RGS6: variants seen among roughly 807,000 people sequenced by gnomAD.
RGS6 encodes regulator of G protein signaling 6, also known as regulator of G-protein signaling 6.
In RGS6, 30 loss-of-function variants were observed where a neutral mutation model predicts 78.5. That is an observed-to-expected ratio of 0.38 (90% confidence interval 0.29 to 0.52). The LOEUF (loss-of-function observed/expected upper bound fraction) is 0.52, where lower values mean the gene tolerates loss of function less well. Among genes scored for constraint, RGS6 ranks in the 20% least tolerant of loss-of-function variants. The pLI is 0.85. For missense variants in RGS6, 495 were observed against 609.7 expected (o/e 0.81, Z 1.98); for synonymous variants, 206 against 206.0 (o/e 1.00, Z 0.00).
At chr14:71,930,566 T>G (rs1284747501), upstream of RGS6, among the ~76,000 whole-genome samples, 1 of 152,188 alleles carries the variant, frequency 6.6e-6, no homozygotes, top group Non-Finnish European at 1.5e-5. Context: ...TTCACATATT[T>G]TTTTTTAAAG....
intron 3 of RGS6, among the ~76,000 whole-genome samples, chr14:72,364,983 C>T (rs2082190921): frequency 6.6e-6 from 1 of 152,098 alleles, no homozygotes; most frequent in African/African-American, 2.4e-5. Flanking sequence ...CTGCAAGGCC[C>T]GTCTCTACAC....
chr14:72,235,154 TG>T (rs1403378887), intron 2 of RGS6, among the ~76,000 whole-genome samples: 1 of 152,200 alleles, frequency 6.6e-6, no homozygotes, highest in Non-Finnish European at 1.5e-5. Context: ...GAACGGTAAG[TG>T]GCCTGAGGTA....
At chr14:72,496,762 A>G (rs2153417895) in intron 13 of RGS6, among the ~76,000 whole-genome samples, 1 of 152,296 alleles carries the variant, frequency 6.6e-6, no homozygotes, top group South Asian at 2.1e-4. Flanking sequence ...GGAACATCTG[A>G]TTTAGTGTCT....
chr14:72,075,504 CT>C (rs753350915), intron 2 of RGS6, among the ~76,000 whole-genome samples: 2 of 152,042 alleles, frequency 1.3e-5, no homozygotes, highest in Non-Finnish European at 2.9e-5. Flanking sequence ...TCTAGTCTGT[CT>C]TTTCTTTCCC....
At chr14:72,463,213 G>T (rs983743549) in intron 6 of RGS6, among the ~76,000 whole-genome samples, 3 of 152,152 alleles carry the variant, frequency 2.0e-5, no homozygotes, top group Non-Finnish European at 4.4e-5. Context: ...GAAATTTTTC[G>T]GTAAGAAATT....
At chr14:71,921,439 A>C in the RGS6 span, among the ~76,000 whole-genome samples, 1 of 152,266 alleles carries the variant, frequency 6.6e-6, no homozygotes. Context: ...TTGCAACATC[A>C]TACACAATAG....
At chr14:72,609,722 T>C in the RGS6 span, among the ~76,000 whole-genome samples, 10 of 151,736 alleles carry the variant, frequency 6.6e-5, no homozygotes, top group Non-Finnish European at 1.5e-5. Flanking sequence ...GGGTGGGAGG[T>C]GGGAGCTTTT....
intron 2 of RGS6, among the ~76,000 whole-genome samples, chr14:72,065,523 A>G (rs952387264): frequency 7.2e-5 from 11 of 152,188 alleles, no homozygotes; most frequent in East Asian, 5.8e-4. Flanking sequence ...TAATTTACCC[A>G]TGCTTGACTA....
At chr14:72,170,109 G>A (rs2096990142) in intron 2 of RGS6, among the ~76,000 whole-genome samples, 1 of 152,062 alleles carries the variant, frequency 6.6e-6, no homozygotes, top group South Asian at 2.1e-4. Context: ...CTGAGATTTT[G>A]GAGTTGTTTG....
At chr14:71,875,072 G>A in the RGS6 span, among the ~76,000 whole-genome samples, 194 of 152,218 alleles carry the variant, frequency 1.3e-3, 1 homozygote, top group African/African-American at 4.6e-3. Flanking sequence ...TTTTTGCATC[G>A]ATGTTCATCA....
chr14:72,464,328 T>C (rs2095849526), intron 6 of RGS6, among the ~76,000 whole-genome samples: 1 of 152,222 alleles, frequency 6.6e-6, no homozygotes, highest in South Asian at 2.1e-4. Flanking sequence ...TGATATTTAG[T>C]GAACTTGTGT....
intron 2 of RGS6, among the ~76,000 whole-genome samples, chr14:72,283,129 A>G (rs1356249044): frequency 6.6e-6 from 1 of 152,208 alleles, no homozygotes; most frequent in Non-Finnish European, 1.5e-5. Flanking sequence ...GCTGAATAAT[A>G]TTCCACTGTG....
intron 7 of RGS6, among the ~76,000 whole-genome samples, chr14:72,468,986 A>G (rs1702388752): frequency 6.6e-6 from 1 of 152,206 alleles, no homozygotes; most frequent in African/African-American, 2.4e-5. Flanking sequence ...TACATAGCAT[A>G]ATATGGGCTC....
chr14:72,041,259 A>G (rs1201792256), intron 2 of RGS6, among the ~76,000 whole-genome samples: 1 of 151,978 alleles, frequency 6.6e-6, no homozygotes, highest in Non-Finnish European at 1.5e-5. Context: ...CAGCCTGGCT[A>G]GAGATTCTGA....
intron 2 of RGS6, among the ~76,000 whole-genome samples, chr14:72,259,910 C>CAAAAAAAAAAAAAAAAAAAAAAAAAAA (rs11287556): frequency 1.0e-4 from 7 of 68,400 alleles, no homozygotes; most frequent in African/African-American, 2.7e-4. Context: ...GACTCCGTCT[C>CAAAAAAAAAAAAAAAAAAAAAAAAAAA]AAAAAAAAAA....
intron 2 of RGS6, among the ~76,000 whole-genome samples, chr14:72,016,654 C>T (rs757520370): frequency 6.6e-5 from 10 of 152,162 alleles, no homozygotes; most frequent in South Asian, 6.2e-4. Context: ...CGTGAGCCAC[C>T]GCGCCCGACT....
chr14:72,064,540 CTG>C (rs1247705505), intron 2 of RGS6, among the ~76,000 whole-genome samples: 1 of 152,202 alleles, frequency 6.6e-6, no homozygotes, highest in Non-Finnish European at 1.5e-5. Context: ...TCAACTATTT[CTG>C]TGTCTTCACC....
At chr14:71,999,748 C>CCATGAGCTCTGGTTGTTTAAAAG (rs1555425212) in intron 2 of RGS6, among the ~76,000 whole-genome samples, 2 of 152,092 alleles carry the variant, frequency 1.3e-5, no homozygotes, top group South Asian at 2.1e-4. Context: ...TGTGAATTGC[C>CCATGAGCTCTGGTTGTTTAAAAG]TAGCTCCCCC....
chr14:72,040,836 G>C (rs1467939657), intron 2 of RGS6, among the ~76,000 whole-genome samples: 1 of 152,012 alleles, frequency 6.6e-6, no homozygotes, highest in African/African-American at 2.4e-5. Flanking sequence ...TTTTGCTCTT[G>C]ATCAAGTGTG....
Sources: allele counts gnomAD v4.1 joint callset (sites outside exome capture counted in the v4.1 genomes callset), GRCh38; gene constraint gnomAD v4.1.1; transcripts MANE v1.5; gene names NCBI Gene and HGNC (gene_info 2026-07-23, HGNC 2026-07-21).